EXOC7: variants seen among roughly 807,000 people sequenced by gnomAD.
EXOC7 encodes exocyst complex component 7, also known as exocyst complex component Exo70.
In EXOC7, 51 loss-of-function variants were observed where a neutral mutation model predicts 87.6. The ratio of observed to expected loss-of-function variants is 0.58; its 90% CI spans 0.46 to 0.73. The LOEUF (loss-of-function observed/expected upper bound fraction) is 0.73. Among genes scored for constraint, EXOC7 ranks in the 30% least tolerant of loss-of-function variants. EXOC7 has a pLI of 0.00. For synonymous variants in EXOC7, 327 were observed against 357.1 expected, an observed-to-expected ratio of 0.92 and a Z score of 0.95; for missense variants, 744 against 888.4, an observed-to-expected ratio of 0.84 and a Z score of 2.07.
rs1372697945 is a variant in EXOC7 at position 76,097,792 on chromosome 17, T to C, written c.640+4A>G. On this transcript the variant is annotated splice_donor_region_variant and intron_variant, in intron 5 of 18. Coordinates refer to ENST00000589210, the MANE Select transcript of EXOC7 (RefSeq NM_001013839.4). Reference sequence around the variant, plus strand: ...TGTCATGTGGCCAAGCCAGAATCCCTTACCTTGGTTGCGGCCATATTCCAC... The same window carrying C: ...TGTCATGTGGCCAAGCCAGAATCCCCTACCTTGGTTGCGGCCATATTCCAC... 2 of 1,606,120 alleles carry C rather than the reference T, an allele frequency of 1.2e-6. No homozygotes were observed. Among genetic ancestry groups the C allele is most frequent in the Admixed American group, 1.7e-5 (1 of 59,736 alleles).
rs145062268 is a variant in EXOC7 at position 76,084,256 on chromosome 17, G to T, written c.1810C>A (p.Arg604Ser). The T allele has an allele frequency of 6.2e-7, 1 of 1,613,402 alleles. No individual in the cohort carries two copies. Among genetic ancestry groups the T allele is most frequent in the Non-Finnish European group, 8.5e-7 (1 of 1,179,886 alleles). ...RDKERQIIKE[R>S]FKGFNDGLEE... Reference sequence around the variant, plus strand: ...AGAGGACCCCGACTCACCTTAAAACGCTCCTTGATAATCTGCCGCTCCTTG... The same window carrying T: ...AGAGGACCCCGACTCACCTTAAAACTCTCCTTGATAATCTGCCGCTCCTTG... Residue 604 changes from arginine to serine, a missense_variant, in exon 17 of 19, where the codon CGT becomes AGT. Transcript: ENST00000589210.
chr17:76,103,492 C>T, intron 1 of EXOC7, 66 bp from the exon 2 acceptor site: 7 of 1,551,372 alleles, frequency 4.5e-6, no homozygotes, highest in Non-Finnish European at 4.4e-6. Context: ...TGCGTCCCAA[C>T]CCCACGGCCT....
intron 2 of EXOC7, chr17:76,103,117 C>G (rs959865216): frequency 1.8e-6 from 1 of 546,502 alleles, no homozygotes; most frequent in African/African-American, 1.9e-5. Context: ...GGAAGAATGG[C>G]GAGCTTAGAC....
chr17:76,085,097 C>A, intron 15 of EXOC7: 1 of 578,494 alleles, frequency 1.7e-6, no homozygotes, highest in Non-Finnish European at 3.1e-6. Flanking sequence ...GGCAGACTCC[C>A]CTCTAAAGTG....
chr17:76,081,490 CCGATGCCCA>C lies in EXOC7; in HGVS notation c.*2149_*2157del, dbSNP rs1049094481. 5 of 1,610,090 alleles carry C rather than the reference CCGATGCCCA, an allele frequency of 3.1e-6. No individual in the cohort carries two copies. In the African/African-American group the frequency reaches 6.7e-5, roughly 21 times the overall value. On this transcript the variant is annotated 3_prime_UTR_variant, in exon 19 of 19. Coordinates refer to ENST00000589210, the MANE Select transcript of EXOC7 (RefSeq NM_001013839.4). ...CGGCCAGAGGCCAGGCCCCATGCCCCCGATGCCCACCTCCTTCCCCCCCGCCGGGAAGGC... is the reference window on the plus strand; with the variant it reads ...CGGCCAGAGGCCAGGCCCCATGCCCCCCTCCTTCCCCCCCGCCGGGAAGGC...
chr17:76,088,518 T>C lies in EXOC7; in HGVS notation c.1245A>G (p.Thr415=), dbSNP rs775414108. ...CTTTGGCACCGATGGTCTCCATGGA[T>C]GTGATGAGGCCAGGCAGCTTGTTCT... is the stretch of plus-strand genomic sequence containing the variant. ...STKNKLPGLI[T]SMETIGAKAL... The change falls in exon 10 of 19, where the codon ACA becomes ACG. Residue 415 remains threonine (T), a synonymous_variant. Transcript: ENST00000589210. The C allele has an allele frequency of 1.2e-5, 19 of 1,613,916 alleles. No homozygotes were observed. The South Asian group carries it at 2.1e-4, about 18-fold the overall frequency.
intron 7 of EXOC7, 181 bp from the exon 8 acceptor site, chr17:76,089,501 T>A: frequency 1.5e-6 from 1 of 686,202 alleles, no homozygotes; most frequent in Non-Finnish European, 2.4e-6. Context: ...TCGAGGGGAA[T>A]AAAAGGAGCT....
At chr17:76,088,748 T>C (rs760073172) in intron 9 of EXOC7, 23 bp downstream of exon 9, 5 of 1,612,524 alleles carry the variant, frequency 3.1e-6, no homozygotes, top group Non-Finnish European at 4.2e-6. Context: ...GGCTGTGTTT[T>C]TGAGGGCCCC....
In EXOC7 at chr17:76,091,330, AC is replaced by A. The variant is rs2067472380; in HGVS notation, c.809-96del. On this transcript the variant is annotated intron_variant, in intron 6 of 18. Transcript: ENST00000589210. Reference sequence around the variant, plus strand: ...CCTCCACCTGCCCCCCAGGCCCCGCACCCAGCTCCCCAACAGTGAGCAGGCC... The same window carrying A: ...CCTCCACCTGCCCCCCAGGCCCCGCACCAGCTCCCCAACAGTGAGCAGGCC... 3 of 983,476 alleles carry A rather than the reference AC, an allele frequency of 3.1e-6. No homozygotes were observed. In the Admixed American group the frequency reaches 5.5e-5, roughly 18 times the overall value. 60.9% of individuals were successfully genotyped at this position (983,476 alleles called of 1,614,324 possible).
At chr17:76,092,124 G>C (rs908247568) in intron 6 of EXOC7, among the ~76,000 whole-genome samples, 3 of 151,924 alleles carry the variant, frequency 2.0e-5, no homozygotes, top group Non-Finnish European at 2.9e-5. Context: ...AATGTATAGG[G>C]GCAGAAAGGC....
chr17:76,086,218 C>A (rs958610466), intron 12 of EXOC7, 73 bp from the exon 13 acceptor site: 3 of 1,448,310 alleles, frequency 2.1e-6, no homozygotes, highest in East Asian at 2.3e-5. Flanking sequence ...CCAGGCCATG[C>A]AGCAGTCTGA....
At chr17:76,086,536 G>A (rs1024210707) in intron 12 of EXOC7, among the ~76,000 whole-genome samples, 7 of 152,140 alleles carry the variant, frequency 4.6e-5, no homozygotes, top group East Asian at 3.9e-4. Flanking sequence ...CCCTACATTC[G>A]AACATCCCCT....
chr17:76,091,168 C>T lies in EXOC7; in HGVS notation c.876G>A (p.Gly292=). 6.2e-7 allele frequency: 1 copy of T among 1,614,132 alleles called. No homozygotes were observed. Residue 292 remains glycine, a synonymous_variant, in exon 7 of 19, where the codon GGG becomes GGA. Coordinates refer to ENST00000589210, the MANE Select transcript of EXOC7 (RefSeq NM_001013839.4). ...YSQHGLDGKK[G]GSNLIPLEGR... is the part of the protein sequence containing the mutation. ...CTTCCAGAGGAATGAGGTTAGAGCCCCCCTTTTTCCCATCTAGACCATGCT... is the reference window on the plus strand; with the variant it reads ...CTTCCAGAGGAATGAGGTTAGAGCCTCCCTTTTTCCCATCTAGACCATGCT...
chr17:76,081,867 C>T lies in EXOC7; in HGVS notation c.*1781G>A, dbSNP rs770932504. On this transcript the variant is annotated 3_prime_UTR_variant, in exon 19 of 19. Transcript: ENST00000589210. ...ACTGGCCCCTGAGCATCTCCCTGTG[C>T]CCTGCCTCCCCCAGTTTACTACTTC... 3.1e-6 allele frequency: 5 copies of T among 1,607,844 alleles called. No homozygotes were observed. The African/African-American group carries it at 5.4e-5, about 17-fold the overall frequency.
chr17:76,099,801 C>T (rs916437029), intron 4 of EXOC7, among the ~76,000 whole-genome samples: 3 of 152,152 alleles, frequency 2.0e-5, no homozygotes, highest in African/African-American at 2.4e-5. Flanking sequence ...AAAACTTAAA[C>T]ACAAAAATAT....
rs1433296171 is a variant in EXOC7, at chr17:76,083,744, G to A, written c.1959C>T (p.Gly653=). ...CCGGGTTCTTGGTGAAGGGCACGCT[G>A]CCAAACCTGAGGAGGCACTGTGGTC... The part of the protein sequence containing the change: ...ETYGAFLQKF[G]SVPFTKNPEK... Residue 653 remains glycine (G), a synonymous_variant, in exon 19 of 19, where the codon GGC becomes GGT. Transcript: ENST00000589210. The A allele has an allele frequency of 1.9e-6, 3 of 1,612,968 alleles. No homozygotes were observed. Among genetic ancestry groups the A allele is most frequent in the Admixed American group, 1.7e-5 (1 of 60,014 alleles).
At position 76,101,488 on chromosome 17, in the gene EXOC7, T is replaced by C. The variant is rs2068058784; in HGVS notation, c.312-112A>G. On this transcript the variant is annotated intron_variant, in intron 3 of 18. Transcript: ENST00000589210. ...ACAGGGGACTCCAGGCTCAAATATA[T>C]TCTATCCCCCCACTGCCTTTTAAGG... 3.4e-6 allele frequency: 5 copies of C among 1,466,102 alleles called. No individual in the cohort carries two copies. In the Admixed American group the frequency reaches 1.1e-4, roughly 33 times the overall value. 90.8% of individuals were successfully genotyped at this position (1,466,102 alleles called of 1,614,324 possible).
intron 2 of EXOC7, 141 bp from the exon 3 acceptor site, chr17:76,102,004 T>TC (rs1273092394): frequency 1.6e-6 from 1 of 620,664 alleles, no homozygotes; most frequent in Non-Finnish European, 2.7e-6. Flanking sequence ...GTGTACCTGT[T>TC]CCCCACTGTA....
intron 12 of EXOC7, among the ~76,000 whole-genome samples, chr17:76,086,698 G>GC (rs1312714659): frequency 6.6e-6 from 1 of 152,084 alleles, no homozygotes; most frequent in African/African-American, 2.4e-5. Context: ...AGACAGAGTG[G>GC]CCTTGAAGGG....
Sources: allele counts gnomAD v4.1 joint callset (sites outside exome capture counted in the v4.1 genomes callset), GRCh38; gene constraint gnomAD v4.1.1; transcripts MANE v1.5; gene names NCBI Gene and HGNC (gene_info 2026-07-23, HGNC 2026-07-21).